The following TBRG4 variants were observed in gnomAD, a reference collection of about 807,000 sequenced individuals.
TBRG4 encodes the protein transforming growth factor beta regulator 4, also known as FAST kinase domain-containing protein 4.
In TBRG4, 43 loss-of-function variants were observed where a neutral mutation model predicts 65.6. That is an observed-to-expected ratio of 0.66 (90% CI 0.51 to 0.85). The LOEUF is 0.85. TBRG4 is among the 40% of genes least tolerant of loss of function. The pLI is 0.00. For missense variants in TBRG4, 709 were observed against 787.9 expected (o/e 0.90, Z 1.20); for synonymous variants, 366 against 341.4 (o/e 1.07, Z -0.79).
intron 1 of TBRG4, among the ~76,000 whole-genome samples, chr7:45,109,685 T>C (rs190955700): frequency 1.3e-5 from 2 of 152,206 alleles, no homozygotes; most frequent in Admixed American, 1.3e-4. Context: ...GGATTAAAAA[T>C]TACGGGCTTG....
intron 2 of TBRG4, chr7:45,106,452 A>T (rs1784959492): frequency 6.3e-6 from 1 of 159,490 alleles, no homozygotes; most frequent in African/African-American, 2.4e-5. Flanking sequence ...ATGGCAGAGA[A>T]GGTGGCACTT....
At chr7:45,104,459 G>C in intron 4 of TBRG4, 79 bp downstream of exon 4, 1 of 1,607,152 alleles carries the variant, frequency 6.2e-7, no homozygotes, top group Non-Finnish European at 8.5e-7. Flanking sequence ...GCATAGGACA[G>C]GTACTGAATT....
At chr7:45,105,021 C>G (rs764520706) in intron 3 of TBRG4, 2 of 725,342 alleles carry the variant, frequency 2.8e-6, no homozygotes, top group East Asian at 2.7e-5. Flanking sequence ...CAGAAACGGG[C>G]ACTGAATTTG....
rs1379884611 is a variant in TBRG4 at position 45,104,240 on chromosome 7, G to T, written c.924C>A (p.His308Gln). 3.7e-6 allele frequency: 6 copies of T among 1,614,010 alleles called. No homozygotes were observed. The highest frequency in any genetic ancestry group is 5.1e-6 in the Non-Finnish European group (6 of 1,179,966). The change falls in exon 5 of 11, where the codon CAC becomes CAA. Residue 308 changes from histidine (H) to glutamine (Q), a missense_variant. Transcript: ENST00000258770. ...CCAGGCGCTGGGACACCTGGGTCTG[G>T]TGAAAGCTGAGTTTGCCTTCAGGAC... ...VAYAYGKLSF[H>Q]QTQVSQRLAT...
rs775401803 is a variant in TBRG4 at position 45,104,865 on chromosome 7, C to T, written c.736-156G>A. 52 of 1,189,942 alleles carry T rather than the reference C, an allele frequency of 4.4e-5. 1 individual carries two copies. The South Asian group carries it at 6.1e-4, about 14-fold the overall frequency. 73.7% of individuals were successfully genotyped at this position (1,189,942 alleles called of 1,614,324 possible). On this transcript the variant is annotated intron_variant, in intron 3 of 10. Transcript: ENST00000258770. ...CTAAACACAGGACCACTGTGCAGGG[C>T]CTGCCTCCTCATCCACCCCAGGGAA...
At chr7:45,107,618 G>C (rs1379223910) in intron 2 of TBRG4, 2 of 154,078 alleles carry the variant, frequency 1.3e-5, no homozygotes, top group African/African-American at 4.8e-5. Flanking sequence ...GGGGAGGAGG[G>C]AGAAAGTACT....
intron 8 of TBRG4, 58 bp from the exon 9 acceptor site, chr7:45,101,672 A>C: frequency 6.2e-7 from 1 of 1,600,938 alleles, no homozygotes; most frequent in Non-Finnish European, 8.5e-7. Context: ...AAACCCCCCC[A>C]CAGGAAAGAT....
intron 5 of TBRG4, 107 bp downstream of exon 5, chr7:45,103,992 A>C: frequency 1.4e-6 from 2 of 1,394,552 alleles, no homozygotes; most frequent in South Asian, 3.0e-5. Flanking sequence ...ATTTGCCCCC[A>C]CAAGTGAGCA....
intron 4 of TBRG4, 33 bp downstream of exon 4, chr7:45,104,505 C>T: frequency 6.2e-7 from 1 of 1,613,548 alleles, no homozygotes; most frequent in Non-Finnish European, 8.5e-7. Context: ...GCCAGCGCTC[C>T]CCTCTCTCCA....
Position 45,110,376 on chromosome 7 carries a change from A to G in TBRG4, c.-50-1089T>C, listed in dbSNP as rs77474567. On this transcript the variant is annotated intron_variant, in intron 1 of 10. Coordinates refer to ENST00000258770, the MANE Select transcript of TBRG4 (RefSeq NM_004749.4). ...ATATAGCCTTGATGTTGCTTTTAAC[A>G]ATTCTATCGGCCAGGCGCAGTGGCT... 3.2e-3 allele frequency among the ~76,000 whole-genome samples: 484 copies of G among 152,172 alleles called. 1 individual carries two copies. The highest frequency in any genetic ancestry group is 0.014 in the Middle Eastern group (4 of 294).
chr7:45,111,571 C>A, intron 1 of TBRG4, 72 bp downstream of exon 1: 1 of 1,287,108 alleles, frequency 7.8e-7, no homozygotes, highest in Non-Finnish European at 1.0e-6. Context: ...CCAGGACCTT[C>A]CCAGCCACGC....
At chr7:45,110,627 C>T (rs555952310) in intron 1 of TBRG4, 1 of 146,502 alleles carries the variant, frequency 6.8e-6, no homozygotes, top group African/African-American at 2.5e-5. Flanking sequence ...GGTGGCAGAG[C>T]GAGACTCTGT....
chr7:45,110,404 C>A (rs376440050), intron 1 of TBRG4, among the ~76,000 whole-genome samples: 2 of 152,216 alleles, frequency 1.3e-5, no homozygotes, highest in Non-Finnish European at 1.5e-5. Flanking sequence ...CAGTGGCTCA[C>A]GCCTGTAATC....
intron 1 of TBRG4, 150 bp from the exon 2 acceptor site, chr7:45,109,437 G>A (rs550553268): frequency 6.1e-6 from 4 of 650,748 alleles, no homozygotes; most frequent in African/African-American, 1.8e-5. Context: ...ATTTTCTAAA[G>A]CAAAAGTCTC....
At chr7:45,101,414 A>G in intron 9 of TBRG4, 42 bp from the exon 10 acceptor site, 1 of 1,608,324 alleles carries the variant, frequency 6.2e-7, no homozygotes, top group South Asian at 1.1e-5. Context: ...CCACTCTCCC[A>G]GCCCCTCGGA....
intron 10 of TBRG4, 67 bp downstream of exon 10, chr7:45,101,191 G>A (rs1784752781): frequency 1.3e-6 from 2 of 1,498,110 alleles, no homozygotes; most frequent in Non-Finnish European, 1.8e-6. Context: ...AGTTCCACCT[G>A]ATCCCCTCTC....
At chr7:45,109,620 G>A (rs1785067996) in intron 1 of TBRG4, among the ~76,000 whole-genome samples, 1 of 152,204 alleles carries the variant, frequency 6.6e-6, no homozygotes, top group South Asian at 2.1e-4. Context: ...CATCTCTGCA[G>A]ACACGACCTA....
Position 45,111,688 on chromosome 7 carries a change from C to A in TBRG4, c.-96G>T. On this transcript the variant is annotated 5_prime_UTR_variant, in exon 1 of 11. Transcript: ENST00000258770. ...CCTCCATCCGCCGCCCTAACTGTCC[C>A]CGGAACCATGAGGTGCGCGGCGCGC... 7.8e-7 allele frequency: 1 copy of A among 1,289,396 alleles called. No individual in the cohort carries two copies. The highest frequency in any genetic ancestry group is 1.0e-6 in the Non-Finnish European group (1 of 988,848). The allele number at this position is 1,289,396 out of a possible 1,614,324, so 79.9% of individuals were successfully genotyped here. A position where few individuals can be genotyped will look rare whatever the true frequency, so the allele number is the denominator to read the frequency against.
intron 9 of TBRG4, 61 bp from the exon 10 acceptor site, chr7:45,101,433 A>T: frequency 1.2e-6 from 2 of 1,605,072 alleles, no homozygotes; most frequent in Non-Finnish European, 1.7e-6. Flanking sequence ...GAGGGGAAAG[A>T]TGGAAAGCAA....
Sources: allele counts gnomAD v4.1 joint callset (sites outside exome capture counted in the v4.1 genomes callset), GRCh38; gene constraint gnomAD v4.1.1; transcripts MANE v1.5; gene names NCBI Gene and HGNC (gene_info 2026-07-23, HGNC 2026-07-21).